The following TSPAN9 variants were observed in gnomAD, a reference collection of about 807,000 sequenced individuals.
TSPAN9 encodes the protein tetraspanin-9.
In TSPAN9, 16 loss-of-function variants were observed where a neutral mutation model predicts 31.0. The observed-to-expected ratio is 0.52, with a 90% CI of 0.35 to 0.78. The LOEUF is 0.78. Ranked by LOEUF, TSPAN9 falls within the 30% of genes least tolerant of loss-of-function variation. TSPAN9 has a pLI of 0.01. For synonymous variants in TSPAN9, 145 were observed against 121.6 expected (o/e 1.19, Z -1.27); for missense variants, 272 against 312.5 (o/e 0.87, Z 0.98).
chr12:3,278,462 C>T lies in TSPAN9; in HGVS notation c.105C>T (p.Ser35=), dbSNP rs371410225. The T allele has an allele frequency of 1.2e-5, 19 of 1,614,086 alleles. No individual in the cohort carries two copies. Among genetic ancestry groups the T allele is most frequent in the East Asian group, 8.9e-5 (4 of 44,896 alleles). Residue 35 remains serine, a synonymous_variant, in exon 4 of 9, where the codon TCC becomes TCT. Coordinates refer to ENST00000011898, the MANE Select transcript of TSPAN9 (RefSeq NM_006675.5). ...TGCTGGGAGTGGGCATCTGGCTCTCCGTGTCCCAAGGCAACTTTGCCACCT... is the reference window on the plus strand; with the variant it reads ...TGCTGGGAGTGGGCATCTGGCTCTCTGTGTCCCAAGGCAACTTTGCCACCT... ...CGLLGVGIWL[S]VSQGNFATFS... is the part of the protein sequence containing the mutation.
chr12:3,217,354 C>T (rs2153974563), intron 3 of TSPAN9, among the ~76,000 whole-genome samples: 1 of 152,126 alleles, frequency 6.6e-6, no homozygotes, highest in East Asian at 1.9e-4. Context: ...GTCAGAGACA[C>T]CCTCAGCTTC....
chr12:3,129,170 A>G (rs2098328671), intron 2 of TSPAN9, among the ~76,000 whole-genome samples: 1 of 152,064 alleles, frequency 6.6e-6, no homozygotes, highest in Non-Finnish European at 1.5e-5. Flanking sequence ...TTACCCAGTG[A>G]TGGACATTTG....
intron 2 of TSPAN9, among the ~76,000 whole-genome samples, chr12:3,132,305 A>G (rs781569565): frequency 5.9e-5 from 9 of 152,130 alleles, no homozygotes; most frequent in Non-Finnish European, 1.3e-4. Flanking sequence ...TTGCTGGATC[A>G]TATGGTAATT....
chr12:3,137,367 C>T (rs548529837), intron 2 of TSPAN9, among the ~76,000 whole-genome samples: 1 of 152,330 alleles, frequency 6.6e-6, no homozygotes, highest in Non-Finnish European at 1.5e-5. Flanking sequence ...AAGTGCCTGC[C>T]CCTGGAGCCC....
chr12:3,227,047 G>T (rs539156821), intron 3 of TSPAN9, among the ~76,000 whole-genome samples: 15 of 151,528 alleles, frequency 9.9e-5, no homozygotes, highest in Non-Finnish European at 2.1e-4. Flanking sequence ...TGCATGTCTG[G>T]GTGGCTGAGG....
At chr12:3,092,046 T>C (rs2098305007) in intron 2 of TSPAN9, among the ~76,000 whole-genome samples, 2 of 152,218 alleles carry the variant, frequency 1.3e-5, no homozygotes, top group Admixed American at 6.5e-5. Context: ...GTGCAAACCT[T>C]TGAGAAATCT....
At chr12:3,233,055 G>T (rs577779073) in intron 3 of TSPAN9, among the ~76,000 whole-genome samples, 1 of 152,166 alleles carries the variant, frequency 6.6e-6, no homozygotes. Context: ...CTGATCACAG[G>T]TGTGGGGAGG....
chr12:3,101,273 G>T (rs1383682843), intron 2 of TSPAN9, among the ~76,000 whole-genome samples: 1 of 152,152 alleles, frequency 6.6e-6, no homozygotes, highest in Non-Finnish European at 1.5e-5. Context: ...TTAGATTTGG[G>T]TCTAGGTCCA....
chr12:3,252,521 C>T lies in TSPAN9; in HGVS notation c.64-25900C>T, dbSNP rs567544345. Among the ~76,000 whole-genome samples, 23 of 152,328 alleles carry T rather than the reference C, an allele frequency of 1.5e-4. No individual in the cohort carries two copies. In the South Asian group the frequency reaches 2.7e-3, roughly 18 times the overall value. ...AGCCGTCCCTGCACTCCCAGAGCTC[C>T]GGGGGTGGGGACGGAGCCCCCTCCT... On this transcript the variant is annotated intron_variant, in intron 3 of 8. Coordinates refer to ENST00000011898, the MANE Select transcript of TSPAN9 (RefSeq NM_006675.5).
chr12:3,159,211 A>G (rs2098343826), intron 2 of TSPAN9, among the ~76,000 whole-genome samples: 1 of 151,430 alleles, frequency 6.6e-6, no homozygotes, highest in Non-Finnish European at 1.5e-5. Context: ...TAGAAAGCAC[A>G]CTAGATTGAG....
chr12:3,255,369 G>T (rs962637764), intron 3 of TSPAN9, among the ~76,000 whole-genome samples: 1 of 152,238 alleles, frequency 6.6e-6, no homozygotes, highest in African/African-American at 2.4e-5. Flanking sequence ...GCAGCTGACT[G>T]GCTCTGCCCA....
At chr12:3,094,489 T>C (rs1395219707) in intron 2 of TSPAN9, among the ~76,000 whole-genome samples, 1 of 152,000 alleles carries the variant, frequency 6.6e-6, no homozygotes, top group African/African-American at 2.4e-5. Context: ...GGAATATCTG[T>C]TTTTTTGGGT....
chr12:3,226,782 A>AT (rs1565622641), intron 3 of TSPAN9, among the ~76,000 whole-genome samples: 2 of 3,184 alleles, frequency 6.3e-4, no homozygotes, highest in African/African-American at 2.8e-3. Flanking sequence ...ATATATATAT[A>AT]TATATATATA....
rs574933772 is a variant in TSPAN9 at position 3,169,861 on chromosome 12, G to C, written c.-17-31316G>C. 3.3e-5 allele frequency among the ~76,000 whole-genome samples: 5 copies of C among 152,258 alleles called. No homozygotes were observed. In the South Asian group the frequency reaches 1.0e-3, roughly 32 times the overall value. ...TCCTGGAGCCTGGGGGAGGTGGAGG[G>C]TACAGAGAAGCTTAGAGGTGTATGC... On this transcript the variant is annotated intron_variant, in intron 2 of 8. Coordinates refer to ENST00000011898, the MANE Select transcript of TSPAN9 (RefSeq NM_006675.5).
chr12:3,186,327 T>C (rs2098361287), intron 2 of TSPAN9, among the ~76,000 whole-genome samples: 1 of 152,110 alleles, frequency 6.6e-6, no homozygotes, highest in Non-Finnish European at 1.5e-5. Context: ...AGATGGAGTG[T>C]GCTGGGGGAG....
intron 2 of TSPAN9, among the ~76,000 whole-genome samples, chr12:3,096,496 C>T (rs926667715): frequency 6.6e-6 from 1 of 151,982 alleles, no homozygotes; most frequent in African/African-American, 2.4e-5. Context: ...CCTGTTTTCT[C>T]ATTGCCTGGC....
chr12:3,111,264 C>T lies in TSPAN9; in HGVS notation c.-18+27545C>T, dbSNP rs576854036. ...CCTACCTCCTCGTAACACTTCTCAG[C>T]TGCTCCAGGAGATGCCCGTCCCCTT... On this transcript the variant is annotated intron_variant, in intron 2 of 8. Coordinates refer to ENST00000011898, the MANE Select transcript of TSPAN9 (RefSeq NM_006675.5). 3.3e-5 allele frequency among the ~76,000 whole-genome samples: 5 copies of T among 152,210 alleles called. No homozygotes were observed. In the South Asian group the frequency reaches 1.0e-3, roughly 32 times the overall value.
At chr12:3,236,278 G>A (rs978128628) in intron 3 of TSPAN9, among the ~76,000 whole-genome samples, 3 of 152,220 alleles carry the variant, frequency 2.0e-5, no homozygotes, top group Non-Finnish European at 2.9e-5. Context: ...TGAGGGAATG[G>A]TGCAATAATT....
intron 3 of TSPAN9, among the ~76,000 whole-genome samples, chr12:3,269,254 T>G (rs1591716600): frequency 3.8e-5 from 1 of 26,390 alleles, no homozygotes; most frequent in African/African-American, 1.4e-4. Context: ...TGCCCTGTGT[T>G]CCTGCAGCCT....
Sources: allele counts gnomAD v4.1 joint callset (sites outside exome capture counted in the v4.1 genomes callset), GRCh38; gene constraint gnomAD v4.1.1; transcripts MANE v1.5; gene names NCBI Gene and HGNC (gene_info 2026-07-23, HGNC 2026-07-21).